Variants in ADAMTS7 observed in about 807,000 individuals in gnomAD.
ADAMTS7 encodes ADAM metallopeptidase with thrombospondin type 1 motif 7.
A neutral mutation model predicts 172.6 loss-of-function variants in ADAMTS7; 89 were observed. The ratio of observed to expected loss-of-function variants is 0.52; its 90% CI spans 0.43 to 0.61. ADAMTS7 has a LOEUF of 0.61. ADAMTS7 is among the 20% of genes least tolerant of loss of function. The pLI is 0.00. For synonymous variants in ADAMTS7, 885 were observed against 978.4 expected (o/e 0.90, Z 1.78); for missense variants, 1,973 against 2,355.6 (o/e 0.84, Z 3.36).
intron 18 of ADAMTS7, 90 bp from the exon 19 acceptor site, chr15:78,767,141 G>C (rs532278291): frequency 7.3e-7 from 1 of 1,377,406 alleles, no homozygotes; most frequent in African/African-American, 1.5e-5. Flanking sequence ...TCCACTGCCC[G>C]ATGTCAGAGT....
intron 23 of ADAMTS7, among the ~76,000 whole-genome samples, chr15:78,761,654 C>T (rs2141467019): frequency 6.6e-6 from 1 of 152,326 alleles, no homozygotes; most frequent in South Asian, 2.1e-4. Flanking sequence ...CTAGGTGACA[C>T]TCCAGGGCCA....
chr15:78,774,077 G>C, intron 13 of ADAMTS7, 90 bp downstream of exon 13: 1 of 1,544,660 alleles, frequency 6.5e-7, no homozygotes, highest in African/African-American at 1.4e-5. Context: ...GCCCGAGGAG[G>C]ATCAGGAGGG....
intron 9 of ADAMTS7, 58 bp downstream of exon 9, chr15:78,777,386 C>T (rs2055363059): frequency 3.2e-6 from 5 of 1,567,188 alleles, no homozygotes; most frequent in South Asian, 2.4e-5. Context: ...GTGAGAGCTG[C>T]CCCCTGAGCC....
intron 8 of ADAMTS7, among the ~76,000 whole-genome samples, chr15:78,784,826 C>T (rs2055479847): frequency 6.6e-6 from 1 of 152,150 alleles, no homozygotes; most frequent in Non-Finnish European, 1.5e-5. Context: ...AGAAGAGTCA[C>T]TTCCAACCCG....
Position 78,796,668 on chromosome 15 carries a change from C to T in ADAMTS7, c.741G>A (p.Leu247=). 6.2e-7 allele frequency: 1 copy of T among 1,614,130 alleles called. No homozygotes were observed. The change falls in exon 4 of 24, where the codon CTG becomes CTA. Residue 247 remains leucine (L), a synonymous_variant. Coordinates refer to ENST00000388820, the MANE Select transcript of ADAMTS7 (RefSeq NM_014272.5). ...SVSKEKWVET[L]VVADAKMVEY... ...CCACCATTTTGGCATCAGCTACTAC[C>T]AGGGTCTCCACCCACTTCTCTTTGC... is the stretch of plus-strand genomic sequence containing the variant.
At chr15:78,761,167 AGAGG>A (rs1447448303) in intron 23 of ADAMTS7, among the ~76,000 whole-genome samples, 1 of 152,222 alleles carries the variant, frequency 6.6e-6, no homozygotes. Flanking sequence ...CACCCATGCC[AGAGG>A]CAGGGCAGCG....
At chr15:78,761,162 A>C (rs1445461044) in intron 23 of ADAMTS7, among the ~76,000 whole-genome samples, 3 of 152,206 alleles carry the variant, frequency 2.0e-5, no homozygotes, top group Non-Finnish European at 4.4e-5. Flanking sequence ...AAGACCACCC[A>C]TGCCAGAGGC....
chr15:78,761,971 A>G (rs2055052207), intron 23 of ADAMTS7: 1 of 985,264 alleles, frequency 1.0e-6, no homozygotes, highest in South Asian at 4.7e-5. Flanking sequence ...TGCTCACTCT[A>G]GGCAGTCCTC....
chr15:78,771,613 C>A lies in ADAMTS7; in HGVS notation c.2348G>T (p.Gly783Val), dbSNP rs1250558904. The A allele has an allele frequency of 1.9e-6, 3 of 1,600,338 alleles. No homozygotes were observed. Among genetic ancestry groups the A allele is most frequent in the Non-Finnish European group, 2.5e-6 (3 of 1,178,982 alleles). ...RGNWENLTSPGPTKEPVWIQL... is the reference protein window; with the variant it reads ...RGNWENLTSPVPTKEPVWIQL... Reference sequence around the variant, plus strand: ...GATCCAGACAGGCTCCTTGGTGGGACCCGGGGACGTGAGGTTCTCCCAGTT... The same window carrying A: ...GATCCAGACAGGCTCCTTGGTGGGAACCGGGGACGTGAGGTTCTCCCAGTT... The change falls in exon 15 of 24, where the codon GGT (glycine) becomes GTT (valine). Residue 783 changes from glycine (G) to valine (V), a missense_variant. This residue lies in a region of ADAMTS7 where 771 missense variants were observed against 952.6 expected (regional missense o/e 0.81). Transcript: ENST00000388820. The surrounding 1 kb of genome is among the most constrained non-coding windows in gnomAD (Gnocchi z 4.9).
At chr15:78,779,254 A>T (rs1271296306) in intron 8 of ADAMTS7, among the ~76,000 whole-genome samples, 1 of 152,192 alleles carries the variant, frequency 6.6e-6, no homozygotes, top group African/African-American at 2.4e-5. Flanking sequence ...CAAGATGATC[A>T]CATGCCAGGC....
intron 16 of ADAMTS7, 119 bp from the exon 17 acceptor site, chr15:78,768,378 C>G: frequency 7.0e-7 from 1 of 1,420,370 alleles, no homozygotes; most frequent in South Asian, 1.2e-5. Context: ...TGTCAGGATG[C>G]CTTACTGCCC....
chr15:78,775,877 C>T (rs149305049), intron 11 of ADAMTS7, among the ~76,000 whole-genome samples: 2,586 of 152,300 alleles, frequency 0.017, 22 homozygotes, highest in Admixed American at 0.021. Flanking sequence ...GGTCCAGGGC[C>T]CATGCTCTTC....
In ADAMTS7 at chr15:78,766,692, G is replaced by A. The variant is rs202058579; in HGVS notation, c.3219C>T (p.His1073=). 75 of 1,610,940 alleles carry A rather than the reference G, an allele frequency of 4.7e-5. No individual in the cohort carries two copies. Among genetic ancestry groups the A allele is most frequent in the Admixed American group, 1.0e-4 (6 of 60,010 alleles). ...CAGAGGGCCCGTAGGACAGATCCTC[G>A]TGGAAATTGATGAAATTGTAGTCGT... is the stretch of plus-strand genomic sequence containing the variant. ...FYYDYNFINF[H]EDLSYGPSEE... The change falls in exon 19 of 24, where the codon CAC becomes CAT. Residue 1073 remains histidine (H), a synonymous_variant. Coordinates refer to ENST00000388820, the MANE Select transcript of ADAMTS7 (RefSeq NM_014272.5).
chr15:78,771,470 C>T lies in ADAMTS7; in HGVS notation c.2376+115G>A, dbSNP rs573216958. Reference sequence around the variant, plus strand: ...GCAGCAGGAGGGCCTGGCTCAGAGCCAGGCTCTGTGACTGAACCAGGGCTC... The same window carrying T: ...GCAGCAGGAGGGCCTGGCTCAGAGCTAGGCTCTGTGACTGAACCAGGGCTC... On this transcript the variant is annotated intron_variant, in intron 15 of 23. Coordinates refer to ENST00000388820, the MANE Select transcript of ADAMTS7 (RefSeq NM_014272.5). This position sits in a 1 kb window ranked among gnomAD's most constrained non-coding sequence, Gnocchi z 4.9. 1.9e-4 allele frequency: 285 copies of T among 1,538,764 alleles called. 2 individuals are homozygous for T. The African/African-American group carries it at 3.5e-3, about 19-fold the overall frequency.
rs2055670126 is a variant in ADAMTS7, at chr15:78,798,037, G to A, written c.533C>T (p.Ala178Val). 2.5e-6 allele frequency: 4 copies of A among 1,570,764 alleles called. No individual in the cohort carries two copies. In the East Asian group the frequency reaches 9.5e-5, roughly 37 times the overall value. ...LDSAPARPGH[A>V]QPHVVYKRQA... ...ACGCTTGTACACCACATGGGGCTGG[G>A]CGTGGCCAGGCCGGGCCGGGGCACT... The change falls in exon 3 of 24, where the codon GCC becomes GTC. Residue 178 changes from alanine to valine, a missense_variant. Physicochemically the swap from Ala to Val is moderately conservative, Grantham distance 64. Coordinates refer to ENST00000388820, the MANE Select transcript of ADAMTS7 (RefSeq NM_014272.5).
rs3825818 is a variant in ADAMTS7 at position 78,771,370 on chromosome 15, T to C, written c.2377-67A>G. 6.2e-7 allele frequency: 1 copy of C among 1,608,370 alleles called. No individual in the cohort carries two copies. Among genetic ancestry groups the C allele is most frequent in the South Asian group, 1.1e-5 (1 of 90,268 alleles). On this transcript the variant is annotated intron_variant, in intron 15 of 23. Coordinates refer to ENST00000388820, the MANE Select transcript of ADAMTS7 (RefSeq NM_014272.5). This position sits in a 1 kb window ranked among gnomAD's most constrained non-coding sequence, Gnocchi z 4.9. ...TCCATCCACCCAGTCCTAAAGGAGC[T>C]GACCCCAGCCACCTCTGTGAACTGC...
rs544310894 is a variant in ADAMTS7 at position 78,765,845 on chromosome 15, G to A, written c.4066C>T (p.Pro1356Ser). Residue 1356 changes from proline (P) to serine (S), a missense_variant, in exon 19 of 24, where the codon CCC becomes TCC. Around this residue, in one of 8 missense-constraint regions of ADAMTS7, gnomAD observed 771 missense variants for 952.6 expected, o/e 0.81. Transcript: ENST00000388820. ...HMPEPALNPG[P>S]KGQPESLSPE... ...CTGAGGGACTCAGGCTGACCCTTGGGTCCTGGGTTCAGGGCAGGCTCAGGC... is the reference window on the plus strand; with the variant it reads ...CTGAGGGACTCAGGCTGACCCTTGGATCCTGGGTTCAGGGCAGGCTCAGGC... 35 of 1,573,848 alleles carry A rather than the reference G, an allele frequency of 2.2e-5. No individual in the cohort carries two copies. The Admixed American group carries it at 5.0e-4, about 23-fold the overall frequency.
At chr15:78,763,096 C>T (rs1286196192) in intron 22 of ADAMTS7, among the ~76,000 whole-genome samples, 1 of 152,208 alleles carries the variant, frequency 6.6e-6, no homozygotes, top group Non-Finnish European at 1.5e-5. Flanking sequence ...TCGTTGCGTT[C>T]CTTCATTTAA....
intron 19 of ADAMTS7, 78 bp from the exon 20 acceptor site, chr15:78,764,785 G>C: frequency 7.2e-7 from 1 of 1,391,514 alleles, no homozygotes. Context: ...TACCCACCTA[G>C]GCTAGCGAGA....
Sources: allele counts gnomAD v4.1 joint callset (sites outside exome capture counted in the v4.1 genomes callset), GRCh38; gene constraint gnomAD v4.1.1; regional missense constraint gnomAD v4.1.1; non-coding constraint Gnocchi (gnomAD v3.1); transcripts MANE v1.5; gene names NCBI Gene and HGNC (gene_info 2026-07-23, HGNC 2026-07-21).